LYST: variants seen among roughly 807,000 people sequenced by gnomAD.
LYST encodes lysosomal-trafficking regulator.
In LYST, 192 loss-of-function variants were observed where a neutral mutation model predicts 413.6. The ratio of observed to expected loss-of-function variants is 0.46; its 90% CI spans 0.41 to 0.52. The LOEUF (loss-of-function observed/expected upper bound fraction) is 0.52. Ranked by LOEUF, LYST falls within the 20% of genes least tolerant of loss-of-function variation. LYST has a pLI of 0.00. For missense variants in LYST, 3,815 were observed against 4,499.9 expected (o/e 0.85, Z 4.35); for synonymous variants, 1,525 against 1,567.3 (o/e 0.97, Z 0.64).
rs115181453 is a variant in LYST at position 235,814,895 on chromosome 1, G to A, written c.193-1834C>T. 2.9e-3 allele frequency among the ~76,000 whole-genome samples: 440 copies of A among 152,164 alleles called. 2 individuals carry two copies. Among genetic ancestry groups the A allele is most frequent in the African/African-American group, 9.8e-3 (408 of 41,514 alleles). ...TCCCTCTGCCACACATGAGCCCTCC[G>A]CATACATCTAGCTGGTAAAGGTTTC... On this transcript the variant is annotated intron_variant, in intron 3 of 52. Transcript: ENST00000389793.
rs970631690 is a variant in LYST, at chr1:235,662,909, G to A, written c.*31C>T. The A allele has an allele frequency of 2.4e-6, 3 of 1,246,928 alleles. No homozygotes were observed. The highest frequency in any genetic ancestry group is 2.4e-6 in the Non-Finnish European group (2 of 844,276). 77.2% of individuals were successfully genotyped at this position (1,246,928 alleles called of 1,614,324 possible). ...TCAACAAATCTAGTTTGGAGTTAAA[G>A]TGCTTTGGAGAACGTGAAGTTCATT... On this transcript the variant is annotated 3_prime_UTR_variant, in exon 53 of 53. Transcript: ENST00000389793.
intron 1 of LYST, among the ~76,000 whole-genome samples, chr1:235,856,940 ATTTTT>A (rs59484092): frequency 0.023 from 2,831 of 121,734 alleles, 27 homozygotes; most frequent in African/African-American, 0.027. Context: ...GGATATACTG[ATTTTT>A]TTTTTTTTTT....
At chr1:235,669,691 G>A (rs1472558001) in intron 50 of LYST, among the ~76,000 whole-genome samples, 2 of 152,212 alleles carry the variant, frequency 1.3e-5, no homozygotes, top group East Asian at 3.8e-4. Flanking sequence ...CAGGGTATTT[G>A]TACCCAAGAA....
At chr1:235,867,369 A>G (rs1384602659), upstream of LYST, among the ~76,000 whole-genome samples, 1 of 152,162 alleles carries the variant, frequency 6.6e-6, no homozygotes, top group African/African-American at 2.4e-5. Flanking sequence ...AGAAGAAATA[A>G]CGGGAAGGAG....
intron 48 of LYST, among the ~76,000 whole-genome samples, chr1:235,685,057 CA>C (rs1358879485): frequency 6.6e-6 from 1 of 152,076 alleles, no homozygotes; most frequent in African/African-American, 2.4e-5. Flanking sequence ...AAGTATTTGC[CA>C]CCCCCCAAAA....
intron 19 of LYST, among the ~76,000 whole-genome samples, chr1:235,772,290 A>G (rs1668787855): frequency 6.6e-6 from 1 of 152,076 alleles, no homozygotes; most frequent in South Asian, 2.1e-4. Flanking sequence ...ATTTTTAGGG[A>G]CTGTTGGCAA....
intron 36 of LYST, among the ~76,000 whole-genome samples, chr1:235,730,586 T>G (rs2103207218): frequency 1.8e-5 from 1 of 55,006 alleles, no homozygotes; most frequent in Admixed American, 1.5e-4. Context: ...TGTGTGTGTG[T>G]GTGTGTGTGT....
rs1465362572 is a variant in LYST at position 235,809,998 on chromosome 1, T to C, written c.820A>G (p.Thr274Ala). The change falls in exon 5 of 53, where the codon ACC becomes GCC. Residue 274 changes from threonine to alanine, a missense_variant. By Grantham distance (58) the Thr-to-Ala change is moderately conservative. Transcript: ENST00000389793. The surrounding 1 kb of genome is among the most constrained non-coding windows in gnomAD (Gnocchi z 4.0). ...LLEKVCKFDVTLNHNSPLAAS... is the reference protein window; with the variant it reads ...LLEKVCKFDVALNHNSPLAAS... ...GCTAAAGGAGAATTATGATTCAAGG[T>C]AACGTCAAACTTACAAACTTTTTCT... 2 of 1,613,888 alleles carry C rather than the reference T, an allele frequency of 1.2e-6. 1 individual carries two copies. Among genetic ancestry groups the C allele is most frequent in the South Asian group, 2.2e-5 (2 of 91,076 alleles).
intron 1 of LYST, among the ~76,000 whole-genome samples, chr1:235,851,513 C>T (rs1480529610): frequency 6.6e-6 from 1 of 151,892 alleles, no homozygotes; most frequent in Non-Finnish European, 1.5e-5. Flanking sequence ...ATAACTTATT[C>T]ATGTAACCAA....
At chr1:235,690,275 C>T (rs1409289314) in intron 47 of LYST, among the ~76,000 whole-genome samples, 1 of 152,128 alleles carries the variant, frequency 6.6e-6, no homozygotes, top group Non-Finnish European at 1.5e-5. Flanking sequence ...ATCTAACTCC[C>T]ACTGTACATA....
chr1:235,821,424 CTT>C (rs1385578124), intron 3 of LYST, among the ~76,000 whole-genome samples: 1 of 151,716 alleles, frequency 6.6e-6, no homozygotes, highest in Non-Finnish European at 1.5e-5. Flanking sequence ...ATGACAGAGT[CTT>C]TTTTTCTGAG....
At chr1:235,807,564 A>C (rs1673000018) in intron 5 of LYST, among the ~76,000 whole-genome samples, 1 of 152,196 alleles carries the variant, frequency 6.6e-6, no homozygotes, top group Non-Finnish European at 1.5e-5. Context: ...AACATCAATA[A>C]TAGTTTTAAA....
At position 235,866,004 on chromosome 1, in the gene LYST, T is replaced by G. The variant is rs1409444141; in HGVS notation, c.-98+839A>C. Among the ~76,000 whole-genome samples, 3 of 152,174 alleles carry G rather than the reference T, an allele frequency of 2.0e-5. No homozygotes were observed. The East Asian group carries it at 5.8e-4, about 29-fold the overall frequency. Reference sequence around the variant, plus strand: ...GTGCCGTCGCTGGGTGTGTATGGTCTGCCGAGCGGATCGGGGATGTTTTGC... The same window carrying G: ...GTGCCGTCGCTGGGTGTGTATGGTCGGCCGAGCGGATCGGGGATGTTTTGC... On this transcript the variant is annotated intron_variant, in intron 1 of 52. Coordinates refer to ENST00000389793, the MANE Select transcript of LYST (RefSeq NM_000081.4).
intron 45 of LYST, among the ~76,000 whole-genome samples, chr1:235,699,238 C>T (rs1200164120): frequency 6.6e-6 from 1 of 152,204 alleles, no homozygotes; most frequent in East Asian, 1.9e-4. Flanking sequence ...TCTCCCATCC[C>T]CACCAACTCC....
At chr1:235,753,841 G>A (rs895859687) in intron 25 of LYST, among the ~76,000 whole-genome samples, 2 of 151,952 alleles carry the variant, frequency 1.3e-5, no homozygotes, top group Admixed American at 6.6e-5. Flanking sequence ...CAATTGTTTC[G>A]TGAAAGCCAA....
intron 25 of LYST, among the ~76,000 whole-genome samples, chr1:235,754,839 C>CAAGGCAGGAGGATGGCTTG (rs1666853042): frequency 6.6e-6 from 1 of 151,844 alleles, no homozygotes; most frequent in Admixed American, 6.6e-5. Flanking sequence ...TTTGGGAGGC[C>CAAGGCAGGAGGATGGCTTG]AAGGCAGGAG....
In LYST at chr1:235,778,584, G is replaced by A. The variant is rs1189900055; in HGVS notation, c.5215-1276C>T. 2.6e-5 allele frequency among the ~76,000 whole-genome samples: 4 copies of A among 151,866 alleles called. No homozygotes were observed. The East Asian group carries it at 7.8e-4, about 30-fold the overall frequency. ...AGACAGGGTTTCACCATGTTGGCCA[G>A]GCTGGTCTCGAACTGGCTGGTCTTG... is the stretch of plus-strand genomic sequence containing the variant. On this transcript the variant is annotated intron_variant, in intron 16 of 52. Transcript: ENST00000389793.
intron 48 of LYST, among the ~76,000 whole-genome samples, chr1:235,685,728 C>G (rs1319817635): frequency 6.6e-6 from 1 of 151,716 alleles, no homozygotes; most frequent in Non-Finnish European, 1.5e-5. Flanking sequence ...CGCCTGTAAT[C>G]CCAACTACTC....
intron 1 of LYST, among the ~76,000 whole-genome samples, chr1:235,852,576 T>C (rs577164092): frequency 1.3e-5 from 2 of 152,232 alleles, no homozygotes; most frequent in East Asian, 3.9e-4. Flanking sequence ...TCAACAACCA[T>C]CTTAGAAATG....
Sources: allele counts gnomAD v4.1 joint callset (sites outside exome capture counted in the v4.1 genomes callset), GRCh38; gene constraint gnomAD v4.1.1; non-coding constraint Gnocchi (gnomAD v3.1); transcripts MANE v1.5; gene names NCBI Gene and HGNC (gene_info 2026-07-23, HGNC 2026-07-21).